Variants in MARCHF1 observed in about 807,000 individuals in gnomAD.
MARCHF1 encodes membrane associated ring-CH-type finger 1, also known as E3 ubiquitin-protein ligase MARCHF1.
MARCHF1 carries 40 observed loss-of-function variants against 54.2 expected under a neutral mutation model. That is an observed-to-expected ratio of 0.74 (90% CI 0.57 to 0.96). The LOEUF is 0.96. Among genes scored for constraint, MARCHF1 ranks in the 40% least tolerant of loss-of-function variants. The pLI is 0.00. For synonymous variants in MARCHF1, 236 were observed against 236.3 expected (o/e 1.00, Z 0.01); for missense variants, 586 against 656.5 (o/e 0.89, Z 1.17).
intron 3 of MARCHF1, among the ~76,000 whole-genome samples, chr4:163,940,778 T>C (rs1201230062): frequency 6.6e-6 from 1 of 152,178 alleles, no homozygotes; most frequent in Admixed American, 6.5e-5. Flanking sequence ...TCCATTTGGT[T>C]GATTATCTCT....
intron 2 of MARCHF1, among the ~76,000 whole-genome samples, chr4:164,081,321 C>A (rs1251466292): frequency 6.8e-6 from 1 of 147,150 alleles, no homozygotes; most frequent in Non-Finnish European, 1.5e-5. Flanking sequence ...ATAATTATGT[C>A]AGCAGATCTT....
chr4:163,833,742 A>G (rs1036576652), intron 4 of MARCHF1, among the ~76,000 whole-genome samples: 4 of 152,182 alleles, frequency 2.6e-5, no homozygotes, highest in Non-Finnish European at 4.4e-5. Context: ...GGTGTGGGGC[A>G]TGTCATTTTA....
intron 5 of MARCHF1, among the ~76,000 whole-genome samples, chr4:163,641,938 C>T (rs1579147895): frequency 2.6e-5 from 4 of 152,062 alleles, no homozygotes; most frequent in South Asian, 4.2e-4. Flanking sequence ...AATGTAACAC[C>T]TATGTCTTCT....
chr4:164,008,031 T>C (rs1753334678), intron 2 of MARCHF1, among the ~76,000 whole-genome samples: 1 of 152,116 alleles, frequency 6.6e-6, no homozygotes, highest in Non-Finnish European at 1.5e-5. Context: ...TTAAAAGGCA[T>C]ATAGTGGCTG....
chr4:163,909,565 A>G (rs1751145682), intron 3 of MARCHF1, among the ~76,000 whole-genome samples: 1 of 152,236 alleles, frequency 6.6e-6, no homozygotes, highest in Admixed American at 6.5e-5. Flanking sequence ...AGTATGCTTC[A>G]TAGCACAATG....
chr4:163,922,671 G>T (rs1011426316), intron 3 of MARCHF1, among the ~76,000 whole-genome samples: 1 of 152,208 alleles, frequency 6.6e-6, no homozygotes, highest in African/African-American at 2.4e-5. Flanking sequence ...TCTATCTAAT[G>T]TATTTTCATA....
At chr4:163,582,191 A>G (rs146155462) in intron 8 of MARCHF1, among the ~76,000 whole-genome samples, 135 of 152,308 alleles carry the variant, frequency 8.9e-4, no homozygotes, top group African/African-American at 3.0e-3. Flanking sequence ...AGTAGTCACT[A>G]TGCTTTCTTT....
rs1261351003 is a variant in MARCHF1, at chr4:163,528,697, G to T, written c.*51C>A. The T allele has an allele frequency of 6.5e-7, 1 of 1,530,354 alleles. No individual in the cohort carries two copies. Among genetic ancestry groups the T allele is most frequent in the South Asian group, 1.3e-5 (1 of 79,780 alleles). The allele number at this position is 1,530,354 out of a possible 1,614,324, so 94.8% of individuals were successfully genotyped here. A position where few individuals can be genotyped will look rare whatever the true frequency, so the allele number is the denominator to read the frequency against. ...AAGATCACTTCTGTCATTTGTAGTG[G>T]CTGAGGGCTAGAAAGATATTCTTCG... On this transcript the variant is annotated 3_prime_UTR_variant, in exon 10 of 10. Transcript: ENST00000514618.
chr4:164,152,513 G>GA (rs1324867864), intron 1 of MARCHF1, among the ~76,000 whole-genome samples: 1 of 151,902 alleles, frequency 6.6e-6, no homozygotes, highest in East Asian at 1.9e-4. Context: ...ATGAAACAAG[G>GA]AAAAAAATAT....
chr4:163,984,342 A>G (rs1752820509), intron 3 of MARCHF1, among the ~76,000 whole-genome samples: 1 of 152,224 alleles, frequency 6.6e-6, no homozygotes. Context: ...TTCCTCCTAA[A>G]TCTTTCTAAA....
chr4:164,091,111 A>C (rs1755289821), intron 2 of MARCHF1, among the ~76,000 whole-genome samples: 1 of 152,114 alleles, frequency 6.6e-6, no homozygotes, highest in Non-Finnish European at 1.5e-5. Flanking sequence ...GTCACACCAA[A>C]TGTCAATCTG....
At chr4:164,196,425 CATT>C (rs66555742) in intron 1 of MARCHF1, among the ~76,000 whole-genome samples, 27,787 of 151,950 alleles carry the variant, frequency 0.18, 3,114 homozygotes, top group Non-Finnish European at 0.26. Flanking sequence ...GTATAAAGTG[CATT>C]ATTATTTTTC....
intron 2 of MARCHF1, among the ~76,000 whole-genome samples, chr4:164,031,413 CTATTA>C (rs1317110420): frequency 3.0e-5 from 4 of 134,542 alleles, no homozygotes; most frequent in African/African-American, 1.0e-4. Flanking sequence ...AGTGGGGTAT[CTATTA>C]TATTATTTTT....
chr4:164,275,381 G>A (rs764392649), intron 1 of MARCHF1, among the ~76,000 whole-genome samples: 18 of 152,186 alleles, frequency 1.2e-4, no homozygotes, highest in Non-Finnish European at 2.2e-4. Context: ...TGACTTCTGA[G>A]AAATGTTAAG....
At chr4:163,747,733 T>G (rs6851008) in intron 4 of MARCHF1, among the ~76,000 whole-genome samples, 7,660 of 152,074 alleles carry the variant, frequency 0.05, 572 homozygotes, top group African/African-American at 0.16. Context: ...GATAAGAGAA[T>G]TAGTTAGCTG....
At chr4:164,100,970 T>G (rs11932047) in intron 2 of MARCHF1, among the ~76,000 whole-genome samples, 127,807 of 152,256 alleles carry the variant, frequency 0.84, 54,157 homozygotes, top group Non-Finnish European at 0.89. Context: ...AGGTCAGGGA[T>G]TTCCCTTTCT....
intron 1 of MARCHF1, among the ~76,000 whole-genome samples, chr4:164,244,815 G>A (rs1200371434): frequency 6.6e-6 from 1 of 152,068 alleles, no homozygotes; most frequent in Non-Finnish European, 1.5e-5. Context: ...TACCATCAGA[G>A]AATACTACAA....
rs142019265 is a variant in MARCHF1 at position 164,291,614 on chromosome 4, C to T, written c.-323+92256G>A. On this transcript the variant is annotated intron_variant, in intron 1 of 9. Transcript: ENST00000514618. Reference sequence around the variant, plus strand: ...ACAAACCTGGATGGTATAGCCTACTCCATACCCAGGATATATGGTATAGCC... The same window carrying T: ...ACAAACCTGGATGGTATAGCCTACTTCATACCCAGGATATATGGTATAGCC... Among the ~76,000 whole-genome samples, 651 of 152,146 alleles carry T rather than the reference C, an allele frequency of 4.3e-3. 5 individuals carry two copies. The highest frequency in any genetic ancestry group is 0.01 in the Middle Eastern group (3 of 294).
intron 1 of MARCHF1, among the ~76,000 whole-genome samples, chr4:164,176,417 G>GT (rs1254481361): frequency 1.3e-5 from 2 of 151,928 alleles, no homozygotes; most frequent in Admixed American, 6.6e-5. Context: ...TGCTATGGAT[G>GT]TTTTTTTCTG....
Sources: gnomAD v4.1 joint callset for allele counts (sites outside exome capture counted in the v4.1 genomes callset) on GRCh38, gnomAD v4.1.1 for gene constraint, MANE v1.5 for transcripts, NCBI Gene and HGNC (gene_info 2026-07-23, HGNC 2026-07-21) for gene names.